ZMYM2: variants seen among roughly 807,000 people sequenced by gnomAD.
ZMYM2 encodes the protein zinc finger MYM-type containing 2.
In ZMYM2, 56 loss-of-function variants were observed where a neutral mutation model predicts 162.8. That is an observed-to-expected ratio of 0.34 (90% CI 0.28 to 0.43). The LOEUF is 0.43. Ranked by LOEUF, ZMYM2 falls within the 20% of genes least tolerant of loss-of-function variation. ZMYM2 has a pLI of 1.00. For missense variants in ZMYM2, 1,275 were observed against 1,621.8 expected (o/e 0.79, Z 3.67); for synonymous variants, 510 against 541.6 (o/e 0.94, Z 0.81).
At chr13:20,045,049 CAAAAAAAA>C (rs933854935) in intron 12 of ZMYM2, among the ~76,000 whole-genome samples, 2 of 47,482 alleles carry the variant, frequency 4.2e-5, no homozygotes, top group African/African-American at 1.5e-4. Flanking sequence ...GACTCTGTGT[CAAAAAAAA>C]AAAAAAAAAA....
At chr13:20,046,075 C>T (rs908981122) in intron 12 of ZMYM2, among the ~76,000 whole-genome samples, 1 of 139,768 alleles carries the variant, frequency 7.2e-6, no homozygotes, top group Admixed American at 7.4e-5. Context: ...GAGCCCATCT[C>T]TGCAAAAAAA....
intron 12 of ZMYM2, among the ~76,000 whole-genome samples, chr13:20,037,444 G>C (rs1316716166): frequency 6.6e-6 from 1 of 152,086 alleles, no homozygotes; most frequent in East Asian, 1.9e-4. Flanking sequence ...TCGAACTCCT[G>C]ACCTCAGGTG....
intron 24 of ZMYM2, among the ~76,000 whole-genome samples, chr13:20,085,298 C>T (rs1958186432): frequency 6.6e-6 from 1 of 152,040 alleles, no homozygotes; most frequent in Non-Finnish European, 1.5e-5. Flanking sequence ...TAGGGTGGTC[C>T]TATTTGGCTG....
intron 2 of ZMYM2, among the ~76,000 whole-genome samples, chr13:19,962,744 G>A (rs1470074118): frequency 6.6e-6 from 1 of 150,446 alleles, no homozygotes; most frequent in Non-Finnish European, 1.5e-5. Flanking sequence ...GGCTGATCTC[G>A]AACTCCTGGC....
intron 21 of ZMYM2, among the ~76,000 whole-genome samples, chr13:20,068,853 T>G (rs1956874970): frequency 6.6e-6 from 1 of 152,216 alleles, no homozygotes; most frequent in South Asian, 2.1e-4. Context: ...TAGGCTCCTC[T>G]TGTTTTAATT....
intron 6 of ZMYM2, among the ~76,000 whole-genome samples, chr13:20,007,197 G>A (rs1438407773): frequency 3.3e-5 from 5 of 151,998 alleles, no homozygotes; most frequent in Admixed American, 6.6e-5. Context: ...GTGCGTTGGC[G>A]TGATCTCAGC....
At chr13:19,934,767 C>CTTTTTTTTTTTTTTTT in the ZMYM2 span, among the ~76,000 whole-genome samples, 4 of 147,352 alleles carry the variant, frequency 2.7e-5, no homozygotes, top group African/African-American at 7.8e-5. Context: ...TTCTTTCTTT[C>CTTTTTTTTTTTTTTTT]TTTCTTTTTT....
chr13:20,022,997 A>G lies in ZMYM2; in HGVS notation c.1584+3379A>G, dbSNP rs371750624. Among the ~76,000 whole-genome samples the G allele has an allele frequency of 2.3e-4, 35 of 152,278 alleles. 1 individual carries two copies. The highest frequency in any genetic ancestry group is 1.9e-3 in the East Asian group (10 of 5,192). ...GAAATGTGCTGCTTTATTTTAATGTATTTAGGAATAAAATCCAGTGGTTAA... is the reference window on the plus strand; with the variant it reads ...GAAATGTGCTGCTTTATTTTAATGTGTTTAGGAATAAAATCCAGTGGTTAA... On this transcript the variant is annotated intron_variant, in intron 7 of 24. Transcript: ENST00000610343.
chr13:19,945,463 G>T, the ZMYM2 span, among the ~76,000 whole-genome samples: 1 of 151,924 alleles, frequency 6.6e-6, no homozygotes, highest in African/African-American at 2.4e-5. Context: ...TGTTACCCTG[G>T]CTGGTCTTGA....
chr13:20,064,176 T>C (rs563228550), intron 18 of ZMYM2, among the ~76,000 whole-genome samples: 2 of 152,058 alleles, frequency 1.3e-5, no homozygotes, highest in East Asian at 1.9e-4. Flanking sequence ...GATCTTGTAA[T>C]TGGATTTCAG....
At chr13:19,941,889 G>C in the ZMYM2 span, among the ~76,000 whole-genome samples, 2 of 151,662 alleles carry the variant, frequency 1.3e-5, no homozygotes, top group African/African-American at 4.8e-5. Flanking sequence ...TGGGACGCCA[G>C]GTGTGTGCCA....
chr13:20,013,569 A>C (rs1200752361), intron 6 of ZMYM2, among the ~76,000 whole-genome samples: 1 of 152,198 alleles, frequency 6.6e-6, no homozygotes, highest in Non-Finnish European at 1.5e-5. Context: ...TGGGTTGTTC[A>C]TATGCATGGC....
chr13:19,971,946 A>G (rs1189369456), intron 2 of ZMYM2, among the ~76,000 whole-genome samples: 2 of 152,134 alleles, frequency 1.3e-5, no homozygotes, highest in African/African-American at 4.8e-5. Flanking sequence ...TAAGGAGTTT[A>G]GGGGTATTAG....
At chr13:19,868,474 C>T in the ZMYM2 span, among the ~76,000 whole-genome samples, 1 of 152,180 alleles carries the variant, frequency 6.6e-6, no homozygotes, top group Non-Finnish European at 1.5e-5. Context: ...TCTTGACCCA[C>T]ACCTGAATCT....
At chr13:20,082,645 G>T (rs1191280329) in intron 22 of ZMYM2, 136 bp from the exon 23 acceptor site, 1 of 766,346 alleles carries the variant, frequency 1.3e-6, no homozygotes, top group African/African-American at 1.8e-5. Flanking sequence ...GGTAATTCTA[G>T]AATTATTCTA....
At chr13:19,947,663 T>TGGCTAGGCTA in the ZMYM2 span, among the ~76,000 whole-genome samples, 66,782 of 148,434 alleles carry the variant, frequency 0.45, 16,412 homozygotes, top group East Asian at 0.71. Context: ...TTCACCATGT[T>TGGCTAGGCTA]GGCTAGGCTA....
At chr13:19,928,250 C>G in the ZMYM2 span, among the ~76,000 whole-genome samples, 1 of 152,158 alleles carries the variant, frequency 6.6e-6, no homozygotes, top group Non-Finnish European at 1.5e-5. Flanking sequence ...AAGCGAGCCT[C>G]CCTCAGTCTC....
At chr13:19,906,956 C>A in the ZMYM2 span, among the ~76,000 whole-genome samples, 1 of 152,050 alleles carries the variant, frequency 6.6e-6, no homozygotes, top group Non-Finnish European at 1.5e-5. Flanking sequence ...AAACTCCTGG[C>A]CTTAAACAAT....
chr13:19,969,018 A>C (rs187293976), intron 2 of ZMYM2, among the ~76,000 whole-genome samples: 6 of 152,368 alleles, frequency 3.9e-5, no homozygotes, highest in Admixed American at 1.3e-4. Context: ...AAAACAAAAC[A>C]TTCCCTTAAT....
Sources: gnomAD v4.1 joint callset for allele counts (sites outside exome capture counted in the v4.1 genomes callset) on GRCh38, gnomAD v4.1.1 for gene constraint, MANE v1.5 for transcripts, NCBI Gene and HGNC (gene_info 2026-07-23, HGNC 2026-07-21) for gene names.